LRRC37A2: variants seen among roughly 807,000 people sequenced by gnomAD.
LRRC37A2 encodes leucine-rich repeat-containing protein 37A2.
In LRRC37A2, 9 loss-of-function variants were observed where a neutral mutation model predicts 68.8. The ratio of observed to expected loss-of-function variants is 0.13; its 90% CI spans 0.08 to 0.23. The LOEUF (loss-of-function observed/expected upper bound fraction) is 0.23. Ranked by LOEUF, LRRC37A2 falls within the 10% of genes least tolerant of loss-of-function variation. The pLI, the probability that LRRC37A2 is intolerant of heterozygous loss-of-function variation, is 1.00. For synonymous variants in LRRC37A2, 63 were observed against 367.6 expected (o/e 0.17, Z 9.48); for missense variants, 168 against 950.4 (o/e 0.18, Z 10.82).
the LRRC37A2 span, among the ~76,000 whole-genome samples, chr17:46,735,529 G>A: frequency 1.3e-5 from 2 of 151,272 alleles, no homozygotes; most frequent in Non-Finnish European, 2.9e-5. Context: ...AGCCTTGAAC[G>A]TCCCTTAATT....
the LRRC37A2 span, among the ~76,000 whole-genome samples, chr17:46,749,105 T>C: frequency 6.6e-6 from 1 of 152,120 alleles, no homozygotes; most frequent in African/African-American, 2.4e-5. Context: ...ACCAGTAATG[T>C]AACATTATTA....
At chr17:47,009,831 C>T in the LRRC37A2 span, among the ~76,000 whole-genome samples, 3 of 152,216 alleles carry the variant, frequency 2.0e-5, no homozygotes, top group Admixed American at 6.5e-5. Context: ...GATGCTGCCG[C>T]GCTGTTTCGG....
At chr17:46,792,975 G>C in the LRRC37A2 span, among the ~76,000 whole-genome samples, 1 of 151,994 alleles carries the variant, frequency 6.6e-6, no homozygotes, top group Non-Finnish European at 1.5e-5. Context: ...GGCAAAAAAA[G>C]CAGTGAGGGC....
At chr17:46,841,114 A>G in the LRRC37A2 span, among the ~76,000 whole-genome samples, 1 of 152,196 alleles carries the variant, frequency 6.6e-6, no homozygotes, top group African/African-American at 2.4e-5. Flanking sequence ...GCCGACAGAC[A>G]AGGCTCCTTG....
chr17:47,014,323 G>A, the LRRC37A2 span, among the ~76,000 whole-genome samples: 3 of 150,964 alleles, frequency 2.0e-5, no homozygotes, highest in South Asian at 2.1e-4. Flanking sequence ...CCAGGAGGTG[G>A]AGGTTGCAGT....
At chr17:46,755,682 T>C in the LRRC37A2 span, 5 of 1,100,112 alleles carry the variant, frequency 4.5e-6, no homozygotes, top group Non-Finnish European at 2.6e-6. Context: ...AGCAAATGCA[T>C]AGTGGGAAAT....
At chr17:46,543,089 A>T (rs1186380180) in intron 8 of LRRC37A2, among the ~76,000 whole-genome samples, 3 of 149,816 alleles carry the variant, frequency 2.0e-5, no homozygotes, top group Non-Finnish European at 4.4e-5. Flanking sequence ...GATAGTGAGG[A>T]TCTGTCTGCT....
chr17:46,642,262 C>T, the LRRC37A2 span, among the ~76,000 whole-genome samples: 1 of 110,240 alleles, frequency 9.1e-6, no homozygotes, highest in South Asian at 2.6e-4. Flanking sequence ...TACATGTATA[C>T]ATTGTAGAAT....
the LRRC37A2 span, among the ~76,000 whole-genome samples, chr17:46,772,014 G>T: frequency 1.3e-5 from 2 of 151,280 alleles, no homozygotes; most frequent in Admixed American, 1.3e-4. Context: ...CGGGCTGCCC[G>T]ACCCGCTGCG....
intron 6 of LRRC37A2, among the ~76,000 whole-genome samples, chr17:46,529,063 C>G (rs1050054357): frequency 1.9e-5 from 2 of 106,408 alleles, no homozygotes; most frequent in African/African-American, 6.8e-5. Flanking sequence ...GACATTTTTT[C>G]AGCTAGAGCT....
At chr17:46,842,915 T>C in the LRRC37A2 span, among the ~76,000 whole-genome samples, 1 of 152,320 alleles carries the variant, frequency 6.6e-6, no homozygotes, top group African/African-American at 2.4e-5. Context: ...CAGGGAGTGT[T>C]GTATCCATTT....
At chr17:46,947,793 A>G in the LRRC37A2 span, among the ~76,000 whole-genome samples, 2 of 152,018 alleles carry the variant, frequency 1.3e-5, no homozygotes, top group Admixed American at 1.3e-4. Context: ...TTTGAGATGG[A>G]GTTTCACTCT....
the LRRC37A2 span, among the ~76,000 whole-genome samples, chr17:46,819,502 G>A: frequency 6.6e-6 from 1 of 152,200 alleles, no homozygotes; most frequent in East Asian, 1.9e-4. This position sits in a 1 kb window ranked among gnomAD's most constrained non-coding sequence, Gnocchi z 5.3. Context: ...CTCTGGCCCG[G>A]GTCGGAGGCG....
the LRRC37A2 span, among the ~76,000 whole-genome samples, chr17:47,006,317 A>G: frequency 0.45 from 68,876 of 151,982 alleles, 16,116 homozygotes; most frequent in Non-Finnish European, 0.52. Flanking sequence ...AATAAAATAA[A>G]TTAATTAATT....
At chr17:46,832,617 CT>C in the LRRC37A2 span, 1 of 152,486 alleles carries the variant, frequency 6.6e-6, no homozygotes, top group Non-Finnish European at 1.5e-5. Context: ...GCCCCCGCCC[CT>C]GCCGCTGCAC....
the LRRC37A2 span, among the ~76,000 whole-genome samples, chr17:46,904,306 G>A: frequency 6.6e-6 from 1 of 151,312 alleles, no homozygotes; most frequent in Non-Finnish European, 1.5e-5. Context: ...ATGAGTGAGT[G>A]GATGGATAGG....
the LRRC37A2 span, among the ~76,000 whole-genome samples, chr17:46,723,577 T>G: frequency 1.3e-5 from 2 of 152,316 alleles, no homozygotes; most frequent in Admixed American, 6.5e-5. Context: ...TAAAAGGCCC[T>G]TCCCTTCTTG....
the LRRC37A2 span, among the ~76,000 whole-genome samples, chr17:46,942,518 G>T: frequency 6.6e-6 from 1 of 152,238 alleles, no homozygotes; most frequent in African/African-American, 2.4e-5. Context: ...TGCTCTGCTG[G>T]GGTCTGGGGG....
the LRRC37A2 span, among the ~76,000 whole-genome samples, chr17:46,957,477 G>C: frequency 6.6e-6 from 1 of 152,152 alleles, no homozygotes; most frequent in Non-Finnish European, 1.5e-5. Flanking sequence ...GCCAGGTGTG[G>C]TGGTGGGTGC....
Sources: allele counts gnomAD v4.1 joint callset (sites outside exome capture counted in the v4.1 genomes callset), GRCh38; gene constraint gnomAD v4.1.1; non-coding constraint Gnocchi (gnomAD v3.1); transcripts MANE v1.5; gene names NCBI Gene and HGNC (gene_info 2026-07-23, HGNC 2026-07-21).